The following AMMECR1 variants were observed in gnomAD, a reference collection of about 807,000 sequenced individuals.
AMMECR1 encodes AMMECR nuclear protein 1.
Under a neutral mutation model 22.5 loss-of-function variants are expected in AMMECR1, and 3 were observed. The ratio of observed to expected loss-of-function variants is 0.13; its 90% CI spans 0.06 to 0.35. The LOEUF is 0.35. Among genes scored for constraint, AMMECR1 ranks in the 10% least tolerant of loss-of-function variants. AMMECR1 has a pLI of 1.00. For missense variants in AMMECR1, 235 were observed against 278.7 expected, an observed-to-expected ratio of 0.84 and a Z score of 1.12; for synonymous variants, 130 against 116.7, an observed-to-expected ratio of 1.11 and a Z score of -0.74.
At chrX:110,380,407 A>G (rs1345678023) in intron 2 of AMMECR1, among the ~76,000 whole-genome samples, 1 of 111,826 alleles carries the variant, frequency 8.9e-6, no homozygotes, top group African/African-American at 3.3e-5. Flanking sequence ...AAAGATCTCT[A>G]CAGGGAGAAT....
intron 2 of AMMECR1, among the ~76,000 whole-genome samples, chrX:110,358,271 A>AT (rs963084863): frequency 1.8e-4 from 20 of 111,032 alleles, no homozygotes; most frequent in Non-Finnish European, 3.2e-4. Flanking sequence ...CACCAAGAAT[A>AT]TTTTTTTGCA....
chrX:110,306,979 T>C, intron 1 of AMMECR1: 1 of 110,819 alleles, frequency 9.0e-6, no homozygotes, highest in Non-Finnish European at 1.9e-5. Flanking sequence ...GGCTCACACT[T>C]GTAAGCCCAG....
At chrX:110,369,131 G>C (rs1458831252) in intron 2 of AMMECR1, among the ~76,000 whole-genome samples, 2 of 111,695 alleles carry the variant, frequency 1.8e-5, no homozygotes. Flanking sequence ...AGGGAATTGA[G>C]ACCATCCTGG....
At chrX:110,285,273 CT>C (rs765478409) in intron 1 of AMMECR1, among the ~76,000 whole-genome samples, 1 of 112,091 alleles carries the variant, frequency 8.9e-6, no homozygotes, top group African/African-American at 3.2e-5. Context: ...TGGGAACTTA[CT>C]AGAAATTAAG....
At chrX:110,301,181 ATATTCCCTGTCATGT>A (rs2067964935) in intron 1 of AMMECR1, among the ~76,000 whole-genome samples, 1 of 112,542 alleles carries the variant, frequency 8.9e-6, no homozygotes, top group African/African-American at 3.2e-5. Context: ...TGTAAAGCCT[ATATTCCCTGTCATGT>A]GTGTCCATTG....
chrX:110,252,784 C>T (rs1052120771), intron 2 of AMMECR1, among the ~76,000 whole-genome samples: 1 of 112,523 alleles, frequency 8.9e-6, no homozygotes, highest in Admixed American at 9.4e-5. Context: ...TTACAGCAGT[C>T]CTTGCCCTCA....
At chrX:110,294,931 A>C (rs1219432494) in intron 1 of AMMECR1, among the ~76,000 whole-genome samples, 2 of 110,705 alleles carry the variant, frequency 1.8e-5, no homozygotes. Flanking sequence ...CTTAGGTATA[A>C]ACTTAAAAAA....
At position 110,210,292 on chromosome X, in the gene AMMECR1, G is replaced by A. The variant is rs186339920; in HGVS notation, c.699+6226C>T. Among the ~76,000 whole-genome samples the A allele has an allele frequency of 8.2e-5, 9 of 109,725 alleles. No homozygotes were observed. The East Asian group carries it at 2.6e-3, about 31-fold the overall frequency. On this transcript the variant is annotated intron_variant, in intron 3 of 5. Transcript: ENST00000262844. ...CATTTAAAGTAGAGCATCAAGAAAG[G>A]ACTAATCTTAATGATAGTGACATCT...
intron 3 of AMMECR1, among the ~76,000 whole-genome samples, chrX:110,214,732 G>C (rs756166649): frequency 9.0e-6 from 1 of 111,154 alleles, no homozygotes; most frequent in Non-Finnish European, 1.9e-5. Context: ...CACACACACA[G>C]AAACACACAT....
At chrX:110,417,604 A>G (rs1345418932) in intron 2 of AMMECR1, among the ~76,000 whole-genome samples, 2 of 111,796 alleles carry the variant, frequency 1.8e-5, no homozygotes, top group Non-Finnish European at 3.8e-5. Flanking sequence ...CATTTTATAC[A>G]CATGAGGAAA....
chrX:110,252,698 A>G (rs1435379545), intron 2 of AMMECR1, among the ~76,000 whole-genome samples: 1 of 112,490 alleles, frequency 8.9e-6, no homozygotes, highest in Non-Finnish European at 1.9e-5. Flanking sequence ...TGATAAAAAC[A>G]AGACTTTTAT....
intron 1 of AMMECR1, among the ~76,000 whole-genome samples, chrX:110,278,655 C>G (rs1338528645): frequency 1.8e-5 from 2 of 111,604 alleles, no homozygotes; most frequent in Non-Finnish European, 3.8e-5. Flanking sequence ...CAGTAGCCAC[C>G]AATAAGCACC....
chrX:110,409,138 G>A (rs1164335938), intron 2 of AMMECR1, among the ~76,000 whole-genome samples: 1 of 111,472 alleles, frequency 9.0e-6, no homozygotes, highest in African/African-American at 3.3e-5. Context: ...GCTGGAGTCA[G>A]GCATGTAGGT....
intron 2 of AMMECR1, among the ~76,000 whole-genome samples, chrX:110,345,171 A>G (rs763655784): frequency 8.9e-6 from 1 of 112,177 alleles, no homozygotes; most frequent in African/African-American, 3.2e-5. Context: ...AGCCATAAAA[A>G]ATGATGAGTT....
intron 1 of AMMECR1, among the ~76,000 whole-genome samples, chrX:110,439,513 G>A (rs2068864117): frequency 8.9e-6 from 1 of 112,115 alleles, no homozygotes; most frequent in Non-Finnish European, 1.9e-5. Context: ...GCCAGCAGGG[G>A]CTGTGCTCAC....
At chrX:110,333,423 C>T (rs774129402) in intron 2 of AMMECR1, among the ~76,000 whole-genome samples, 37 of 111,429 alleles carry the variant, frequency 3.3e-4, no homozygotes, top group Non-Finnish European at 5.8e-4. Context: ...GACAGTGTGG[C>T]GATTCCTGAA....
intron 2 of AMMECR1, among the ~76,000 whole-genome samples, chrX:110,217,036 A>ATG (rs900742070): frequency 9.1e-6 from 1 of 109,855 alleles, no homozygotes; most frequent in South Asian, 3.9e-4. Context: ...TTATATATAT[A>ATG]TGTGTGTGTA....
intron 2 of AMMECR1, among the ~76,000 whole-genome samples, chrX:110,257,123 A>G (rs1049100635): frequency 8.9e-6 from 1 of 112,124 alleles, no homozygotes. Context: ...TTTAATGTCT[A>G]TAGTATAATT....
intron 2 of AMMECR1, among the ~76,000 whole-genome samples, chrX:110,399,271 C>T (rs1371041551): frequency 6.2e-5 from 7 of 112,520 alleles, no homozygotes; most frequent in Non-Finnish European, 1.3e-4. Context: ...CAACCCCAAA[C>T]TTAGAAATGC....
Sources: gnomAD v4.1 joint callset for allele counts (sites outside exome capture counted in the v4.1 genomes callset) on GRCh38, gnomAD v4.1.1 for gene constraint, MANE v1.5 for transcripts, NCBI Gene and HGNC (gene_info 2026-07-23, HGNC 2026-07-21) for gene names.